Variants in GRK4 observed in about 807,000 individuals in gnomAD.
The protein encoded by GRK4 is G protein-coupled receptor kinase 4, also known as G protein-coupled receptor kinase 2-like.
Under a neutral mutation model 77.9 loss-of-function variants are expected in GRK4, and 73 were observed. The observed-to-expected ratio is 0.94, with a 90% CI of 0.78 to 1.14. GRK4 has a LOEUF of 1.14. GRK4 is among the 50% of genes most tolerant of loss of function. The probability of loss-of-function intolerance (pLI) is 0.00; values close to 1 mark genes in which losing one functional copy is unlikely to be tolerated. For synonymous variants in GRK4, 257 were observed against 254.4 expected (o/e 1.01, Z -0.10); for missense variants, 729 against 700.2 (o/e 1.04, Z -0.46).
chr4:3,019,561 T>G (rs910160206), intron 8 of GRK4, 80 bp from the exon 9 acceptor site: 1 of 1,137,302 alleles, frequency 8.8e-7, no homozygotes, highest in Non-Finnish European at 1.3e-6. Context: ...ACAGATTATT[T>G]GCATATTATT....
In GRK4 at chr4:3,010,469, C is replaced by T. The variant is rs531197879; in HGVS notation, c.600+758C>T. ...CTTGAACTCCCGACCTCGGGTGATC[C>T]GCCCTCCTCAGCCTCCCAAAGTGCT... is the stretch of plus-strand genomic sequence containing the variant. On this transcript the variant is annotated intron_variant, in intron 7 of 15. Coordinates refer to ENST00000398052, the MANE Select transcript of GRK4 (RefSeq NM_182982.3). 4.1e-4 allele frequency among the ~76,000 whole-genome samples: 62 copies of T among 152,214 alleles called. 1 individual carries two copies. The East Asian group carries it at 9.5e-3, about 23-fold the overall frequency.
At chr4:3,005,793 G>C (rs756576597) in intron 5 of GRK4, among the ~76,000 whole-genome samples, 28 of 151,846 alleles carry the variant, frequency 1.8e-4, no homozygotes, top group Admixed American at 1.8e-3. Flanking sequence ...GCAACACAGC[G>C]AGACTCTGTC....
At position 2,988,830 on chromosome 4, in the gene GRK4, G is replaced by C; in HGVS notation, c.252G>C (p.Leu84Phe). The C allele has an allele frequency of 6.3e-7, 1 of 1,590,708 alleles. No homozygotes were observed. The highest frequency in any genetic ancestry group is 8.6e-7 in the Non-Finnish European group (1 of 1,158,820). The part of the protein sequence containing the change: ...KPTLKRHIEF[L>F]DAVAEYEVAD... ...CTCTAAAGAGGCACATTGAATTCTT[G>C]GATGCAGTGGTGAGCAGTTTATCTC... Residue 84 changes from leucine to phenylalanine, a missense_variant, in exon 3 of 16, where the codon TTG (leucine) becomes TTC (phenylalanine). Transcript: ENST00000398052.
At chr4:2,976,988 C>G (rs1466377708) in intron 1 of GRK4, among the ~76,000 whole-genome samples, 2 of 152,224 alleles carry the variant, frequency 1.3e-5, no homozygotes, top group Non-Finnish European at 2.9e-5. Flanking sequence ...TGGGGGCTGT[C>G]TTGAGGCAGC....
At chr4:2,987,435 A>G (rs1447134408) in intron 2 of GRK4, among the ~76,000 whole-genome samples, 1 of 152,230 alleles carries the variant, frequency 6.6e-6, no homozygotes, top group Non-Finnish European at 1.5e-5. Flanking sequence ...ATGATAAAAT[A>G]TACATAACAA....
At chr4:2,978,922 G>C in intron 1 of GRK4, among the ~76,000 whole-genome samples, 1 of 151,528 alleles carries the variant, frequency 6.6e-6, no homozygotes, top group South Asian at 2.1e-4. Context: ...CTGAAACCCC[G>C]TCTCTTACTG....
chr4:3,028,061 A>C, intron 11 of GRK4, 60 bp downstream of exon 11: 2 of 1,455,096 alleles, frequency 1.4e-6, no homozygotes, highest in Non-Finnish European at 1.9e-6. Context: ...GTGCCTCAGA[A>C]CACAGAGAAA....
rs770625534 is a variant in GRK4 at position 3,019,793 on chromosome 4, C to A, written c.894C>A (p.Cys298Ter). Residue 298 changes from cysteine (C) to a stop codon, truncating the protein, a stop_gained, in exon 9 of 16, where the codon TGC becomes TGA. Coordinates refer to ENST00000398052, the MANE Select transcript of GRK4 (RefSeq NM_182982.3). LOFTEE classifies it high-confidence loss of function. ...RAVFYAAELC[C>*]GLEDLQRERI... is the part of the protein sequence containing the mutation. ...TTTTCTATGCTGCAGAGCTGTGTTGCGGCTTGGAAGATTTACAGAGGGAAA... is the reference window on the plus strand; with the variant it reads ...TTTTCTATGCTGCAGAGCTGTGTTGAGGCTTGGAAGATTTACAGAGGGAAA... 3.1e-6 allele frequency: 5 copies of A among 1,613,988 alleles called. No individual in the cohort carries two copies. The South Asian group carries it at 4.4e-5, about 14-fold the overall frequency.
rs144843822 is a variant in GRK4, at chr4:2,988,805, C to T, written c.227C>T (p.Thr76Ile). Residue 76 changes from threonine to isoleucine, a missense_variant, in exon 3 of 16, where the codon ACT becomes ATT. Physicochemically the swap from Thr to Ile is moderately conservative, Grantham distance 89. Coordinates refer to ENST00000398052, the MANE Select transcript of GRK4 (RefSeq NM_182982.3). Reference protein sequence around the residue: ...LFRQFCDTKPTLKRHIEFLDA... With the variant: ...LFRQFCDTKPILKRHIEFLDA... ...AGGCAGTTCTGTGATACCAAACCCA[C>T]TCTAAAGAGGCACATTGAATTCTTG... 3.5e-5 allele frequency: 57 copies of T among 1,612,010 alleles called. 1 individual carries two copies. The African/African-American group carries it at 7.1e-4, about 20-fold the overall frequency.
intron 12 of GRK4, 71 bp downstream of exon 12, chr4:3,029,480 T>C: frequency 7.2e-7 from 1 of 1,381,010 alleles, no homozygotes; most frequent in Non-Finnish European, 1.0e-6. Context: ...CTGGCAGCTA[T>C]AACAAAAAAA....
chr4:2,971,828 C>T (rs1719636953), intron 1 of GRK4, among the ~76,000 whole-genome samples: 1 of 152,158 alleles, frequency 6.6e-6, no homozygotes, highest in African/African-American at 2.4e-5. Context: ...CTTGGAGGTG[C>T]ATCATTCTGA....
At chr4:2,969,538 G>A (rs901132477) in intron 1 of GRK4, among the ~76,000 whole-genome samples, 4 of 151,734 alleles carry the variant, frequency 2.6e-5, no homozygotes, top group Admixed American at 6.6e-5. Context: ...TACCACGCCC[G>A]GCTAATTTTG....
At chr4:2,980,701 A>G (rs1288605066) in intron 1 of GRK4, among the ~76,000 whole-genome samples, 1 of 151,976 alleles carries the variant, frequency 6.6e-6, no homozygotes, top group Non-Finnish European at 1.5e-5. Context: ...AGTGCCACAT[A>G]CCCGTGAACA....
chr4:3,036,734 G>T (rs1359686180), intron 13 of GRK4, among the ~76,000 whole-genome samples: 7 of 152,208 alleles, frequency 4.6e-5, no homozygotes, highest in Non-Finnish European at 1.0e-4. Flanking sequence ...TCAGGGAGCT[G>T]AGCGGAGGGA....
chr4:3,026,132 A>T (rs1394560471), intron 10 of GRK4, among the ~76,000 whole-genome samples: 5 of 152,188 alleles, frequency 3.3e-5, no homozygotes, highest in Non-Finnish European at 5.9e-5. Flanking sequence ...TGTATCCTTG[A>T]TAGAGTCCTA....
At chr4:3,039,193 G>A (rs1350950594) in intron 15 of GRK4, among the ~76,000 whole-genome samples, 1 of 152,136 alleles carries the variant, frequency 6.6e-6, no homozygotes, top group Non-Finnish European at 1.5e-5. Context: ...TCCAGCCTGG[G>A]CAACAGCGCA....
At chr4:2,987,762 G>T (rs903733631) in intron 2 of GRK4, among the ~76,000 whole-genome samples, 3 of 152,028 alleles carry the variant, frequency 2.0e-5, no homozygotes, top group Non-Finnish European at 2.9e-5. Flanking sequence ...CCAACATGGT[G>T]AAACCTGTTT....
At chr4:3,036,466 G>T (rs1740667667) in intron 13 of GRK4, among the ~76,000 whole-genome samples, 1 of 152,284 alleles carries the variant, frequency 6.6e-6, no homozygotes, top group African/African-American at 2.4e-5. Flanking sequence ...AACACTCACT[G>T]TAGTGCACAA....
At chr4:3,018,916 A>G (rs1220198815) in intron 8 of GRK4, among the ~76,000 whole-genome samples, 1 of 152,106 alleles carries the variant, frequency 6.6e-6, no homozygotes, top group Non-Finnish European at 1.5e-5. Context: ...AAATAGGGGG[A>G]GACCATGTTC....
Sources: gnomAD v4.1 joint callset for allele counts (sites outside exome capture counted in the v4.1 genomes callset) on GRCh38, gnomAD v4.1.1 for gene constraint, MANE v1.5 for transcripts, NCBI Gene and HGNC (gene_info 2026-07-23, HGNC 2026-07-21) for gene names.